Variants in CSGALNACT2 observed in about 807,000 individuals in gnomAD.
CSGALNACT2 encodes the protein beta 4 GalNAcT-2.
CSGALNACT2 carries 35 observed loss-of-function variants against 55.3 expected under a neutral mutation model. The ratio of observed to expected loss-of-function variants is 0.63; its 90% CI spans 0.48 to 0.84. CSGALNACT2 has a LOEUF of 0.84. Ranked by LOEUF, CSGALNACT2 falls within the 40% of genes least tolerant of loss-of-function variation. The pLI is 0.00. For synonymous variants in CSGALNACT2, 196 were observed against 224.9 expected (o/e 0.87, Z 1.15); for missense variants, 544 against 657.5 (o/e 0.83, Z 1.89).
Position 43,183,315 on chromosome 10 carries a change from C to T in CSGALNACT2, c.1402C>T (p.His468Tyr). Reference sequence around the variant, plus strand: ...TGTTCATCTTTATCGAAAATACTTACATGGTGACCTCATTGTGATTCGGAC... The same window carrying T: ...TGTTCATCTTTATCGAAAATACTTATATGGTGACCTCATTGTGATTCGGAC... ...EDVHLYRKYL[H>Y]GDLIVIRTPV... The change falls in exon 8 of 8, where the codon CAT (histidine) becomes TAT (tyrosine). Residue 468 changes from histidine (H) to tyrosine (Y), a missense_variant. Around this residue, in one of 2 missense-constraint regions of CSGALNACT2, gnomAD observed 170 missense variants for 256.2 expected, o/e 0.66. Transcript: ENST00000374466. The T allele has an allele frequency of 6.2e-7, 1 of 1,613,666 alleles. No homozygotes were observed. The highest frequency in any genetic ancestry group is 8.5e-7 in the Non-Finnish European group (1 of 1,179,588).
chr10:43,142,855 A>T (rs1838659451), intron 1 of CSGALNACT2, among the ~76,000 whole-genome samples: 1 of 152,222 alleles, frequency 6.6e-6, no homozygotes, highest in African/African-American at 2.4e-5. Flanking sequence ...TATTAGGATT[A>T]CTTCAGGTAG....
chr10:43,159,905 A>C (rs1023822492), intron 3 of CSGALNACT2, among the ~76,000 whole-genome samples: 10 of 152,190 alleles, frequency 6.6e-5, no homozygotes, highest in African/African-American at 2.2e-4. Flanking sequence ...AAATTGTTGG[A>C]TTTAAAAGGT....
At chr10:43,154,617 C>T (rs530945718) in intron 1 of CSGALNACT2, among the ~76,000 whole-genome samples, 3 of 152,000 alleles carry the variant, frequency 2.0e-5, no homozygotes, top group African/African-American at 7.2e-5. Context: ...GTCCCAGCTA[C>T]TCAGGAAGCT....
chr10:43,167,404 A>T (rs1279289521), intron 6 of CSGALNACT2, among the ~76,000 whole-genome samples: 1,779 of 152,274 alleles, frequency 0.012, 37 homozygotes, highest in African/African-American at 0.04. Context: ...TACTAATACT[A>T]AAAATTTGAT....
At chr10:43,146,577 C>A (rs1838753016) in intron 1 of CSGALNACT2, among the ~76,000 whole-genome samples, 1 of 152,140 alleles carries the variant, frequency 6.6e-6, no homozygotes, top group South Asian at 2.1e-4. Context: ...TCAATATTAG[C>A]CATCCCACCA....
chr10:43,180,920 A>G (rs1040739021), intron 7 of CSGALNACT2, among the ~76,000 whole-genome samples: 6 of 152,218 alleles, frequency 3.9e-5, no homozygotes, highest in African/African-American at 4.8e-5. Context: ...TTAGGCACTG[A>G]TAAAACCCCA....
chr10:43,143,758 A>G (rs1472936363), intron 1 of CSGALNACT2, among the ~76,000 whole-genome samples: 1 of 152,214 alleles, frequency 6.6e-6, no homozygotes, highest in Non-Finnish European at 1.5e-5. Flanking sequence ...CCATGATTAT[A>G]GTTTTCTCCA....
chr10:43,143,493 A>ATTG (rs144767187), intron 1 of CSGALNACT2, among the ~76,000 whole-genome samples: 1 of 141,874 alleles, frequency 7.0e-6, no homozygotes, highest in Admixed American at 7.1e-5. Flanking sequence ...CTCTCCAAAA[A>ATTG]TGTGTGTGTG....
intron 6 of CSGALNACT2, among the ~76,000 whole-genome samples, chr10:43,169,040 G>T: frequency 6.6e-6 from 1 of 152,224 alleles, no homozygotes; most frequent in Non-Finnish European, 1.5e-5. Context: ...CTCTAGGTGT[G>T]CTGAGAAGCA....
chr10:43,172,299 T>G (rs1301339713), intron 6 of CSGALNACT2, among the ~76,000 whole-genome samples: 1 of 150,772 alleles, frequency 6.6e-6, no homozygotes, highest in Non-Finnish European at 1.5e-5. Context: ...GCCGTGTAAA[T>G]GAAGAGGAAA....
At chr10:43,158,989 T>C (rs139961851) in intron 3 of CSGALNACT2, 58 bp downstream of exon 3, 1 of 977,630 alleles carries the variant, frequency 1.0e-6, no homozygotes, top group Non-Finnish European at 1.6e-6. Context: ...CACGTTTTAC[T>C]CAGATTTCCT....
intron 6 of CSGALNACT2, among the ~76,000 whole-genome samples, chr10:43,170,838 C>G (rs575621016): frequency 6.6e-6 from 1 of 152,294 alleles, no homozygotes; most frequent in East Asian, 1.9e-4. Context: ...AGTCCTCTTC[C>G]AAAAACGTAG....
At position 43,183,127 on chromosome 10, in the gene CSGALNACT2, C is replaced by T. The variant is rs1252318024; in HGVS notation, c.1337-123C>T. 1.3e-5 allele frequency: 10 copies of T among 752,778 alleles called. No homozygotes were observed. The East Asian group carries it at 2.1e-4, about 16-fold the overall frequency. The allele number at this position is 752,778 out of a possible 1,614,324, so 46.6% of individuals were successfully genotyped here. Reference sequence around the variant, plus strand: ...AGTCACTCCTCCATGCCAGGTGTCTCGTGCTACCTTTTTGCTGAACCATCC... The same window carrying T: ...AGTCACTCCTCCATGCCAGGTGTCTTGTGCTACCTTTTTGCTGAACCATCC... On this transcript the variant is annotated intron_variant, in intron 7 of 7. Transcript: ENST00000374466.
At chr10:43,151,415 C>T (rs1838870872) in intron 1 of CSGALNACT2, among the ~76,000 whole-genome samples, 1 of 152,034 alleles carries the variant, frequency 6.6e-6, no homozygotes, top group Admixed American at 6.6e-5. Context: ...TAATTATTTC[C>T]CACTACTGAG....
In CSGALNACT2 at chr10:43,182,489, A is replaced by G. The variant is rs1010203573; in HGVS notation, c.1337-761A>G. On this transcript the variant is annotated intron_variant, in intron 7 of 7. Transcript: ENST00000374466. ...TCATTCCTGTAGCTTTAAATAATCTATGGACCCATTCTCAAATTTATATCT... is the reference window on the plus strand; with the variant it reads ...TCATTCCTGTAGCTTTAAATAATCTGTGGACCCATTCTCAAATTTATATCT... 3.9e-5 allele frequency among the ~76,000 whole-genome samples: 6 copies of G among 152,210 alleles called. No individual in the cohort carries two copies. In the South Asian group the frequency reaches 8.3e-4, roughly 21 times the overall value.
chr10:43,142,013 G>A (rs1203815934), intron 1 of CSGALNACT2, among the ~76,000 whole-genome samples: 1 of 152,152 alleles, frequency 6.6e-6, no homozygotes, highest in Non-Finnish European at 1.5e-5. Context: ...AGGGATTGGG[G>A]TTGTGTGCCC....
At position 43,138,586 on chromosome 10, in the gene CSGALNACT2, C is replaced by G. The variant is rs1200051470; in HGVS notation, c.-254+19C>G. On this transcript the variant is annotated intron_variant, in intron 1 of 7. Transcript: ENST00000374466. ...GAGCGCGGTGAGTACCTGGCCCGGC[C>G]TCGCCCGCCGGTCCGCGACTCCCGC... 6.6e-6 allele frequency: 1 copy of G among 150,932 alleles called. No individual in the cohort carries two copies. Among genetic ancestry groups the G allele is most frequent in the Non-Finnish European group, 1.5e-5 (1 of 67,656 alleles). The allele number at this position is 150,932 out of a possible 1,614,324, so 9.3% of individuals were successfully genotyped here.
intron 2 of CSGALNACT2, among the ~76,000 whole-genome samples, chr10:43,158,019 C>T (rs1357658249): frequency 7.1e-6 from 1 of 141,170 alleles, no homozygotes; most frequent in Admixed American, 7.2e-5. Context: ...CAGAGTGAGA[C>T]TCCGTCTAAA....
intron 1 of CSGALNACT2, among the ~76,000 whole-genome samples, chr10:43,145,498 C>T (rs1241533136): frequency 1.4e-5 from 2 of 144,958 alleles, no homozygotes; most frequent in African/African-American, 5.1e-5. Context: ...CTCCTGGGCT[C>T]AAGTGATCCT....
Sources: gnomAD v4.1 joint callset for allele counts (sites outside exome capture counted in the v4.1 genomes callset) on GRCh38, gnomAD v4.1.1 for gene constraint, gnomAD v4.1.1 regional missense constraint, MANE v1.5 for transcripts, NCBI Gene and HGNC (gene_info 2026-07-23, HGNC 2026-07-21) for gene names.